The following GHSR variants were observed in gnomAD, a reference collection of about 807,000 sequenced individuals.
GHSR encodes the protein growth hormone secretagogue receptor, also known as growth hormone secretagogue receptor type 1.
Under a neutral mutation model 24.0 loss-of-function variants are expected in GHSR, and 17 were observed. The observed-to-expected ratio is 0.71, with a 90% confidence interval of 0.49 to 1.06. GHSR has a LOEUF of 1.06. Ranked by LOEUF, GHSR falls within the 50% of genes least tolerant of loss-of-function variation. GHSR has a pLI of 0.00. For synonymous variants in GHSR, 238 were observed against 208.1 expected (o/e 1.14, Z -1.24); for missense variants, 504 against 483.1 (o/e 1.04, Z -0.41).
Position 172,445,270 on chromosome 3 carries a change from C to T in GHSR, c.992G>A (p.Arg331Gln), listed in dbSNP as rs200001291. 2.2e-5 allele frequency: 35 copies of T among 1,613,946 alleles called. No homozygotes were observed. The highest frequency in any genetic ancestry group is 7.7e-5 in the South Asian group (7 of 91,070). Residue 331 changes from arginine to glutamine, a missense_variant, in exon 2 of 2, where the codon CGG (arginine) becomes CAG (glutamine). By Grantham distance (43) the Arg-to-Gln change is conservative. Transcript: ENST00000241256. The stretch of plus-strand genomic sequence containing the variant: ...TCCCAGAAGTCTGAACACTGCCACC[C>T]GGTACTTCTTGGACATGATGTTGTA... ...ILYNIMSKKY[R>Q]VAVFRLLGFE...
At position 172,447,694 on chromosome 3, in the gene GHSR, C is replaced by T. The variant is rs781353472; in HGVS notation, c.720G>A (p.Trp240Ter). The T allele has an allele frequency of 6.2e-7, 1 of 1,614,102 alleles. No individual in the cohort carries two copies. Among genetic ancestry groups the T allele is most frequent in the Non-Finnish European group, 8.5e-7 (1 of 1,180,006 alleles). ...CGACAGCATCGCCGCGCCTCCTCCG[C>T]CACAGCTTCCTGCCGATGAGACTGT... is the stretch of plus-strand genomic sequence containing the variant. ...VLYSLIGRKL[W>*]RRRRGDAVVG... The change falls in exon 1 of 2, where the codon TGG becomes TGA. Residue 240 changes from tryptophan to a stop codon, truncating the protein, a stop_gained. Transcript: ENST00000241256. LOFTEE classifies it high-confidence loss of function.
chr3:172,446,542 G>A (rs1419555871), intron 1 of GHSR, among the ~76,000 whole-genome samples: 1 of 152,188 alleles, frequency 6.6e-6, no homozygotes, highest in Non-Finnish European at 1.5e-5. Flanking sequence ...ATCCTGGAAT[G>A]GCTTCTAAGA....
In GHSR at chr3:172,447,936, C is replaced by T; in HGVS notation, c.478G>A (p.Val160Met). The T allele has an allele frequency of 6.2e-7, 1 of 1,613,022 alleles. No homozygotes were observed. The highest frequency in any genetic ancestry group is 1.3e-5 in the African/African-American group (1 of 75,040). Residue 160 changes from valine to methionine, a missense_variant, in exon 1 of 2, where the codon GTG becomes ATG. Physicochemically the swap from Val to Met is conservative, Grantham distance 21 (BLOSUM62 1). Coordinates refer to ENST00000241256, the MANE Select transcript of GHSR (RefSeq NM_198407.2). ...RAKVVVTKGRVKLVIFVIWAV... is the reference protein window; with the variant it reads ...RAKVVVTKGRMKLVIFVIWAV... ...CAGATGACGAAGATGACCAGCTTCA[C>T]CCGCCCCTTGGTGACCACCACCTTG...
rs758718962 is a variant in GHSR, at chr3:172,447,602, G to C, written c.796+16C>G. ...AGGACCCGCGAGAGAAAGCCTGAGC[G>C]CGCGCTGAGACCCACCCAGCATTTT... On this transcript the variant is annotated intron_variant, in intron 1 of 1. Coordinates refer to ENST00000241256, the MANE Select transcript of GHSR (RefSeq NM_198407.2). 2 of 1,613,314 alleles carry C rather than the reference G, an allele frequency of 1.2e-6. No individual in the cohort carries two copies. The highest frequency in any genetic ancestry group is 2.2e-5 in the South Asian group (2 of 91,044).
chr3:172,447,090 G>A (rs1399904587), intron 1 of GHSR, among the ~76,000 whole-genome samples: 4 of 152,200 alleles, frequency 2.6e-5, no homozygotes, highest in Non-Finnish European at 2.9e-5. Flanking sequence ...GTCTTTGGTT[G>A]AATTTACCGC....
At position 172,445,466 on chromosome 3, in the gene GHSR, C is replaced by T; in HGVS notation, c.797-1G>A. The T allele has an allele frequency of 6.2e-7, 1 of 1,610,982 alleles. No individual in the cohort carries two copies. The highest frequency in any genetic ancestry group is 8.5e-7 in the Non-Finnish European group (1 of 1,178,980). On this transcript the variant is annotated splice_acceptor_variant, in intron 1 of 1. Transcript: ENST00000241256. LOFTEE classifies it high-confidence loss of function. Reference sequence around the variant, plus strand: ...AGGATGAAGGCAAACACCACTACAGCTAAAAGGACAATGGGAGAGAGATAG... The same window carrying T: ...AGGATGAAGGCAAACACCACTACAGTTAAAAGGACAATGGGAGAGAGATAG...
chr3:172,447,035 A>G (rs914887030), intron 1 of GHSR, among the ~76,000 whole-genome samples: 3 of 152,238 alleles, frequency 2.0e-5, no homozygotes, highest in African/African-American at 7.2e-5. Context: ...CACAATATTG[A>G]AAGAAAAATG....
At position 172,445,084 on chromosome 3, in the gene GHSR, G is replaced by A; in HGVS notation, c.*77C>T. On this transcript the variant is annotated 3_prime_UTR_variant, in exon 2 of 2. Coordinates refer to ENST00000241256, the MANE Select transcript of GHSR (RefSeq NM_198407.2). ...TTCCTAATTCCAAAATTAACCTTCA[G>A]CTTCCTCCCAAGTTCTGCTGTGCTA... The A allele has an allele frequency of 1.3e-6, 2 of 1,523,434 alleles. No individual in the cohort carries two copies. The highest frequency in any genetic ancestry group is 1.8e-6 in the Non-Finnish European group (2 of 1,101,100). The allele number at this position is 1,523,434 out of a possible 1,614,324, so 94.4% of individuals were successfully genotyped here.
At position 172,443,983 on chromosome 3, in the gene GHSR, C is replaced by T. The variant is rs1737397556; in HGVS notation, c.*1178G>A. 6.6e-6 allele frequency among the ~76,000 whole-genome samples: 1 copy of T among 152,160 alleles called. No homozygotes were observed. Among genetic ancestry groups the T allele is most frequent in the Non-Finnish European group, 1.5e-5 (1 of 67,982 alleles). Reference sequence around the variant, plus strand: ...AAAAATTTCTATATTCATTAACTTTCTTGTAATCTTGCCAGAGCACGTTAC... The same window carrying T: ...AAAAATTTCTATATTCATTAACTTTTTTGTAATCTTGCCAGAGCACGTTAC... On this transcript the variant is annotated 3_prime_UTR_variant, in exon 2 of 2. Coordinates refer to ENST00000241256, the MANE Select transcript of GHSR (RefSeq NM_198407.2).
At position 172,444,457 on chromosome 3, in the gene GHSR, G is replaced by A. The variant is rs538718102; in HGVS notation, c.*704C>T. Among the ~76,000 whole-genome samples the A allele has an allele frequency of 3.3e-5, 5 of 152,154 alleles. No homozygotes were observed. The highest frequency in any genetic ancestry group is 4.2e-4 in the South Asian group (2 of 4,810). On this transcript the variant is annotated 3_prime_UTR_variant, in exon 2 of 2. Coordinates refer to ENST00000241256, the MANE Select transcript of GHSR (RefSeq NM_198407.2). ...TTAATTTTAAGTTTAAAGGTTTACC[G>A]TTGTTTCAGTTACTGGAAAACTTTT...
intron 1 of GHSR, among the ~76,000 whole-genome samples, chr3:172,445,782 C>T (rs1187062654): frequency 6.6e-6 from 1 of 152,222 alleles, no homozygotes; most frequent in Non-Finnish European, 1.5e-5. Flanking sequence ...TTAGACACAA[C>T]AGACACACTT....
At chr3:172,446,942 C>A (rs1737475497) in intron 1 of GHSR, among the ~76,000 whole-genome samples, 1 of 152,174 alleles carries the variant, frequency 6.6e-6, no homozygotes, top group South Asian at 2.1e-4. Context: ...TTGTCACTGA[C>A]TTCCTTACAA....
At chr3:172,447,088 TTGAATTTACCGC>T (rs1346287711) in intron 1 of GHSR, among the ~76,000 whole-genome samples, 3 of 152,348 alleles carry the variant, frequency 2.0e-5, no homozygotes, top group African/African-American at 7.2e-5. Context: ...ATGTCTTTGG[TTGAATTTACCGC>T]TGAACGCTTT....
chr3:172,444,783 A>G lies in GHSR; in HGVS notation c.*378T>C, dbSNP rs183870776. Among the ~76,000 whole-genome samples the G allele has an allele frequency of 3.1e-3, 470 of 152,296 alleles. 3 individuals carry two copies. The highest frequency in any genetic ancestry group is 3.5e-3 in the Non-Finnish European group (238 of 68,016). ...GTTACATTTTAAATTTTGTATTGTA[A>G]TGTCATTCTTTTAACCAAATAATTT... On this transcript the variant is annotated 3_prime_UTR_variant, in exon 2 of 2. Transcript: ENST00000241256.
At position 172,443,425 on chromosome 3, in the gene GHSR, T is replaced by C. The variant is rs28476722; in HGVS notation, c.*1736A>G. Among the ~76,000 whole-genome samples, 1,352 of 152,286 alleles carry C rather than the reference T, an allele frequency of 8.9e-3. 21 individuals are homozygous for C. Among genetic ancestry groups the C allele is most frequent in the African/African-American group, 0.031 (1,293 of 41,556 alleles). Reference sequence around the variant, plus strand: ...ATTTTTCTAGAGAAATGATTCTAATTATGATTGTGTTTGGATGTTTCCAAA... The same window carrying C: ...ATTTTTCTAGAGAAATGATTCTAATCATGATTGTGTTTGGATGTTTCCAAA... On this transcript the variant is annotated 3_prime_UTR_variant, in exon 2 of 2. Coordinates refer to ENST00000241256, the MANE Select transcript of GHSR (RefSeq NM_198407.2).
At position 172,443,687 on chromosome 3, in the gene GHSR, T is replaced by C. The variant is rs982782595; in HGVS notation, c.*1474A>G. Among the ~76,000 whole-genome samples the C allele has an allele frequency of 7.2e-5, 11 of 152,140 alleles. No individual in the cohort carries two copies. The highest frequency in any genetic ancestry group is 2.0e-4 in the Admixed American group (3 of 15,274). On this transcript the variant is annotated 3_prime_UTR_variant, in exon 2 of 2. Transcript: ENST00000241256. ...GTATAGGAAGCAATGTCAATATAAA[T>C]GAAAATTATATACTTATAACCAAAT...
In GHSR at chr3:172,444,115, A is replaced by T. The variant is rs756728640; in HGVS notation, c.*1046T>A. Among the ~76,000 whole-genome samples, 36 of 152,194 alleles carry T rather than the reference A, an allele frequency of 2.4e-4. No individual in the cohort carries two copies. The highest frequency in any genetic ancestry group is 1.6e-4 in the Non-Finnish European group (11 of 67,996). ...ACCCATAATTGTTTTAAAAAGTTTC[A>T]TTTCCTGAATATTAACACATGCAAC... On this transcript the variant is annotated 3_prime_UTR_variant, in exon 2 of 2. Transcript: ENST00000241256.
At position 172,448,270 on chromosome 3, in the gene GHSR, G is replaced by A. The variant is rs2232166; in HGVS notation, c.144C>T (p.Ala48=). ...FPAPLLAGVT[A]TCVALFVVGI... ...CCACCACGAAGAGTGCCACGCAGGT[G>A]GCTGTGACGCCCGCCAGCAGCGGCG... Residue 48 remains alanine, a synonymous_variant, in exon 1 of 2, where the codon GCC becomes GCT. Coordinates refer to ENST00000241256, the MANE Select transcript of GHSR (RefSeq NM_198407.2). The surrounding 1 kb of genome is among the most constrained non-coding windows in gnomAD (Gnocchi z 4.8). The A allele has an allele frequency of 3.3e-3, 5,361 of 1,613,176 alleles. 42 individuals are homozygous for A. The highest frequency in any genetic ancestry group is 0.025 in the Middle Eastern group (149 of 6,062).
chr3:172,447,848 C>A lies in GHSR; in HGVS notation c.566G>T (p.Gly189Val). The A allele has an allele frequency of 6.2e-7, 1 of 1,613,936 alleles. No individual in the cohort carries two copies. The highest frequency in any genetic ancestry group is 8.5e-7 in the Non-Finnish European group (1 of 1,180,020). ...CTCGTTGGTGTCCCAAGGGTCGGTG[C>A]CGTTCTCGTGCTCCACCCCGACTAG... ...FVLVGVEHENGTDPWDTNECR... is the reference protein window; with the variant it reads ...FVLVGVEHENVTDPWDTNECR... The change falls in exon 1 of 2, where the codon GGC (glycine) becomes GTC (valine). Residue 189 changes from glycine to valine, a missense_variant. Physicochemically the swap from Gly to Val is moderately radical, Grantham distance 109 (BLOSUM62 -3). Coordinates refer to ENST00000241256, the MANE Select transcript of GHSR (RefSeq NM_198407.2).
Sources: gnomAD v4.1 joint callset for allele counts (sites outside exome capture counted in the v4.1 genomes callset) on GRCh38, gnomAD v4.1.1 for gene constraint, Gnocchi (gnomAD v3.1) non-coding constraint, MANE v1.5 for transcripts, NCBI Gene and HGNC (gene_info 2026-07-23, HGNC 2026-07-21) for gene names.